Variants in TTF2 observed in about 807,000 individuals in gnomAD.
TTF2 encodes RNA polymerase II termination factor.
TTF2 carries 108 observed loss-of-function variants against 142.4 expected under a neutral mutation model. The ratio of observed to expected loss-of-function variants is 0.76; its 90% CI spans 0.65 to 0.89. The LOEUF is 0.89. TTF2 is among the 40% of genes least tolerant of loss of function. The pLI, the probability that TTF2 is intolerant of heterozygous loss-of-function variation, is 0.00. For missense variants in TTF2, 1,327 were observed against 1,379.8 expected (o/e 0.96, Z 0.61); for synonymous variants, 483 against 506.2 (o/e 0.95, Z 0.61).
Position 117,096,418 on chromosome 1 carries a change from C to T in TTF2, c.3186+119C>T, listed in dbSNP as rs1649154322. 7 of 1,329,912 alleles carry T rather than the reference C, an allele frequency of 5.3e-6. No homozygotes were observed. In the South Asian group the frequency reaches 5.7e-5, roughly 11 times the overall value. The allele number at this position is 1,329,912 out of a possible 1,614,324, so 82.4% of individuals were successfully genotyped here. On this transcript the variant is annotated intron_variant, in intron 20 of 22. Transcript: ENST00000369466. ...TTGAGACGGAGTTTTGCTCTTGTTG[C>T]CCAGGCTGGACTGCAATAGTGCTAT...
At position 117,097,073 on chromosome 1, in the gene TTF2, C is replaced by T. The variant is rs150700531; in HGVS notation, c.3187-278C>T. ...GAAAGTTTATTGAGCTGACCATCCC[C>T]AGGGTTCTAAATTACAGTATTTATA... On this transcript the variant is annotated intron_variant, in intron 20 of 22. Coordinates refer to ENST00000369466, the MANE Select transcript of TTF2 (RefSeq NM_003594.4). This position sits in a 1 kb window ranked among gnomAD's most constrained non-coding sequence, Gnocchi z 4.1. Among the ~76,000 whole-genome samples, 29 of 152,216 alleles carry T rather than the reference C, an allele frequency of 1.9e-4. No homozygotes were observed. The highest frequency in any genetic ancestry group is 7.0e-4 in the African/African-American group (29 of 41,532).
rs765332198 is a variant in TTF2 at position 117,101,513 on chromosome 1, T to C, written c.3478T>C (p.Phe1160Leu). 1 of 1,590,882 alleles carries C rather than the reference T, an allele frequency of 6.3e-7. No homozygotes were observed. ...CACCTTGGCTGACCTCAGAGTCCTT[T>C]TTGGCATCTAACCTCCTGTGGATAA... ...KLTLADLRVL[F>L]GI is the part of the protein sequence containing the mutation. Residue 1160 changes from phenylalanine to leucine, a missense_variant, in exon 23 of 23, where the codon TTT (phenylalanine) becomes CTT (leucine). Physicochemically the swap from Phe to Leu is conservative, Grantham distance 22. Coordinates refer to ENST00000369466, the MANE Select transcript of TTF2 (RefSeq NM_003594.4). This position sits in a 1 kb window ranked among gnomAD's most constrained non-coding sequence, Gnocchi z 5.9.
In TTF2 at chr1:117,096,282, C is replaced by T. The variant is rs1462348528; in HGVS notation, c.3169C>T (p.His1057Tyr). The change falls in exon 20 of 23, where the codon CAC (histidine) becomes TAC (tyrosine). Residue 1057 changes from histidine (H) to tyrosine (Y), a missense_variant. By Grantham distance (83) the His-to-Tyr change is moderately conservative. Transcript: ENST00000369466. ...AATGGACTTGGTAGAGGCATTTAAC[C>T]ACTCCAGAGGCCCTCAGGTACAAGC... ...QRMDLVEAFN[H>Y]SRGPQVMLIS... is the part of the protein sequence containing the mutation. 2 of 1,613,988 alleles carry T rather than the reference C, an allele frequency of 1.2e-6. No individual in the cohort carries two copies. The highest frequency in any genetic ancestry group is 1.7e-6 in the Non-Finnish European group (2 of 1,180,020).
rs143896161 is a variant in TTF2 at position 117,087,927 on chromosome 1, G to C, written c.2161-874G>C. On this transcript the variant is annotated intron_variant, in intron 12 of 22. Coordinates refer to ENST00000369466, the MANE Select transcript of TTF2 (RefSeq NM_003594.4). The surrounding 1 kb of genome is among the most constrained non-coding windows in gnomAD (Gnocchi z 4.8). ...CAGCAGACGTTGAGTATCCACTATGGGTCAGGTGCTGTTTCGTCAAGAGCA... is the reference window on the plus strand; with the variant it reads ...CAGCAGACGTTGAGTATCCACTATGCGTCAGGTGCTGTTTCGTCAAGAGCA... Among the ~76,000 whole-genome samples, 559 of 152,262 alleles carry C rather than the reference G, an allele frequency of 3.7e-3. 5 individuals are homozygous for C. Among genetic ancestry groups the C allele is most frequent in the African/African-American group, 0.013 (526 of 41,542 alleles).
chr1:117,073,797 A>G lies in TTF2; in HGVS notation c.285+70A>G. ...TTAATATGCAGCATCACCTGAAAAT[A>G]CCTTGAAGTTCACGTAAATGAGTTG... is the stretch of plus-strand genomic sequence containing the variant. On this transcript the variant is annotated intron_variant, in intron 4 of 22. Coordinates refer to ENST00000369466, the MANE Select transcript of TTF2 (RefSeq NM_003594.4). This position sits in a 1 kb window ranked among gnomAD's most constrained non-coding sequence, Gnocchi z 4.4. The G allele has an allele frequency of 6.9e-7, 1 of 1,438,872 alleles. No individual in the cohort carries two copies. The highest frequency in any genetic ancestry group is 9.6e-7 in the Non-Finnish European group (1 of 1,038,788). The allele number at this position is 1,438,872 out of a possible 1,614,324, so 89.1% of individuals were successfully genotyped here.
chr1:117,077,589 T>C (rs1657121374), intron 7 of TTF2, among the ~76,000 whole-genome samples: 1 of 152,186 alleles, frequency 6.6e-6, no homozygotes, highest in Non-Finnish European at 1.5e-5. Context: ...GCTAAGTGTT[T>C]CCTTCCTGAA....
chr1:117,080,814 C>G lies in TTF2; in HGVS notation c.1784-1014C>G, dbSNP rs114159421. ...CCAGGGGAAACCAGGTACAAGCTTC[C>G]AGTGTCCTCCCAGTGGAGTCACATG... On this transcript the variant is annotated intron_variant, in intron 9 of 22. Coordinates refer to ENST00000369466, the MANE Select transcript of TTF2 (RefSeq NM_003594.4). The surrounding 1 kb of genome is among the most constrained non-coding windows in gnomAD (Gnocchi z 4.3). Among the ~76,000 whole-genome samples, 759 of 152,318 alleles carry G rather than the reference C, an allele frequency of 5.0e-3. 8 individuals carry two copies. Among genetic ancestry groups the G allele is most frequent in the African/African-American group, 0.017 (688 of 41,566 alleles).
chr1:117,099,945 C>T lies in TTF2; in HGVS notation c.3344+1038C>T, dbSNP rs186182934. Reference sequence around the variant, plus strand: ...CCTTCCTTCACAAATTCTGTGCACTCCAGTAAGTCCAAAATTTGTATCTTT... The same window carrying T: ...CCTTCCTTCACAAATTCTGTGCACTTCAGTAAGTCCAAAATTTGTATCTTT... On this transcript the variant is annotated intron_variant, in intron 22 of 22. Coordinates refer to ENST00000369466, the MANE Select transcript of TTF2 (RefSeq NM_003594.4). This position sits in a 1 kb window ranked among gnomAD's most constrained non-coding sequence, Gnocchi z 4.3. Among the ~76,000 whole-genome samples, 2 of 152,348 alleles carry T rather than the reference C, an allele frequency of 1.3e-5. No homozygotes were observed. Among genetic ancestry groups the T allele is most frequent in the Admixed American group, 6.5e-5 (1 of 15,310 alleles).
rs1647916804 is a variant in TTF2, at chr1:117,085,390, C to G, written c.2055-1027C>G. On this transcript the variant is annotated intron_variant, in intron 11 of 22. Coordinates refer to ENST00000369466, the MANE Select transcript of TTF2 (RefSeq NM_003594.4). The surrounding 1 kb of genome is among the most constrained non-coding windows in gnomAD (Gnocchi z 4.7). ...GCAACATGGTGAAACCCATCTCTACCAAAAATACAAAAATTAGCTGGGTGT... is the reference window on the plus strand; with the variant it reads ...GCAACATGGTGAAACCCATCTCTACGAAAAATACAAAAATTAGCTGGGTGT... Among the ~76,000 whole-genome samples, 1 of 151,946 alleles carries G rather than the reference C, an allele frequency of 6.6e-6. No individual in the cohort carries two copies. The highest frequency in any genetic ancestry group is 1.5e-5 in the Non-Finnish European group (1 of 67,958).
chr1:117,071,975 G>A (rs1338246724), intron 3 of TTF2, among the ~76,000 whole-genome samples: 1 of 152,132 alleles, frequency 6.6e-6, no homozygotes, highest in Non-Finnish European at 1.5e-5. Flanking sequence ...CTTAAGATGG[G>A]CCTTGAGGGA....
intron 8 of TTF2, among the ~76,000 whole-genome samples, 180 bp downstream of exon 8, chr1:117,078,223 T>C (rs1657177948): frequency 6.6e-6 from 1 of 152,198 alleles, no homozygotes; most frequent in South Asian, 2.1e-4. Flanking sequence ...AAAACCCCTT[T>C]TTTAAAAAGT....
At position 117,085,025 on chromosome 1, in the gene TTF2, C is replaced by T. The variant is rs2101087562; in HGVS notation, c.2054+857C>T. Among the ~76,000 whole-genome samples, 1 of 152,228 alleles carries T rather than the reference C, an allele frequency of 6.6e-6. No homozygotes were observed. Among genetic ancestry groups the T allele is most frequent in the African/African-American group, 2.4e-5 (1 of 41,538 alleles). ...GGGTGGCAGTGGCAGGCCTGCAGGC[C>T]TTCCCTGGCATAGATTACTGTGAGT... On this transcript the variant is annotated intron_variant, in intron 11 of 22. Coordinates refer to ENST00000369466, the MANE Select transcript of TTF2 (RefSeq NM_003594.4). The surrounding 1 kb of genome is among the most constrained non-coding windows in gnomAD (Gnocchi z 4.7).
rs200212199 is a variant in TTF2, at chr1:117,076,147, G to A, written c.1276-33G>A. On this transcript the variant is annotated intron_variant, in intron 5 of 22. Coordinates refer to ENST00000369466, the MANE Select transcript of TTF2 (RefSeq NM_003594.4). The surrounding 1 kb of genome is among the most constrained non-coding windows in gnomAD (Gnocchi z 4.6). ...AAACTATTCATCTAACAGTGTGAGA[G>A]GAGAGATCCATTTGATGGAATCTGT... The A allele has an allele frequency of 2.0e-4, 315 of 1,580,094 alleles. No homozygotes were observed. The African/African-American group carries it at 3.7e-3, about 19-fold the overall frequency.
rs1649553149 is a variant in TTF2 at position 117,101,178 on chromosome 1, A to T, written c.3345-202A>T. Among the ~76,000 whole-genome samples the T allele has an allele frequency of 6.6e-6, 1 of 152,216 alleles. No individual in the cohort carries two copies. The highest frequency in any genetic ancestry group is 1.5e-5 in the Non-Finnish European group (1 of 68,038). ...AGCTTCAGAAAGTATTAAAATGCCAATGTGGGTCACATCCTTTTAAAGGGA... is the reference window on the plus strand; with the variant it reads ...AGCTTCAGAAAGTATTAAAATGCCATTGTGGGTCACATCCTTTTAAAGGGA... On this transcript the variant is annotated intron_variant, in intron 22 of 22. Coordinates refer to ENST00000369466, the MANE Select transcript of TTF2 (RefSeq NM_003594.4). This position sits in a 1 kb window ranked among gnomAD's most constrained non-coding sequence, Gnocchi z 5.9.
intron 2 of TTF2, among the ~76,000 whole-genome samples, chr1:117,062,139 A>G (rs1200628604): frequency 2.0e-5 from 3 of 152,142 alleles, no homozygotes; most frequent in African/African-American, 7.2e-5. Flanking sequence ...TACACAGTGC[A>G]GTGTGGTTTT....
chr1:117,060,508 A>G lies in TTF2; in HGVS notation c.82A>G (p.Ser28Gly). 6.2e-7 allele frequency: 1 copy of G among 1,614,020 alleles called. No homozygotes were observed. The highest frequency in any genetic ancestry group is 8.5e-7 in the Non-Finnish European group (1 of 1,179,930). ...CCGCGATGGCCCGAATAAAGGAAAG[A>G]GCTTCTACGTGTGCCGGGCAGACAC... is the stretch of plus-strand genomic sequence containing the variant. Reference protein sequence around the residue: ...GVRDGPNKGKSFYVCRADTCS... With the variant: ...GVRDGPNKGKGFYVCRADTCS... Residue 28 changes from serine to glycine, a missense_variant, in exon 2 of 23, where the codon AGC becomes GGC. Transcript: ENST00000369466.
At position 117,087,837 on chromosome 1, in the gene TTF2, C is replaced by T. The variant is rs1384930329; in HGVS notation, c.2161-964C>T. Among the ~76,000 whole-genome samples, 1 of 152,134 alleles carries T rather than the reference C, an allele frequency of 6.6e-6. No homozygotes were observed. The stretch of plus-strand genomic sequence containing the variant: ...CTGGACCACTCCCTTCCCACCTTCC[C>T]CCGGTTTGGTTGAATGCCTCTGCCA... On this transcript the variant is annotated intron_variant, in intron 12 of 22. Transcript: ENST00000369466. The surrounding 1 kb of genome is among the most constrained non-coding windows in gnomAD (Gnocchi z 4.8).
Position 117,070,743 on chromosome 1 carries a change from T to C in TTF2, c.219-2918T>C, listed in dbSNP as rs1570802998. ...CAATGAGAAAAATTAAAGAAACCAG[T>C]AAGATTTTAAAAATTGTGAACTTGG... On this transcript the variant is annotated intron_variant, in intron 3 of 22. Coordinates refer to ENST00000369466, the MANE Select transcript of TTF2 (RefSeq NM_003594.4). This position sits in a 1 kb window ranked among gnomAD's most constrained non-coding sequence, Gnocchi z 4.2. Among the ~76,000 whole-genome samples the C allele has an allele frequency of 6.6e-6, 1 of 152,186 alleles. No individual in the cohort carries two copies. Among genetic ancestry groups the C allele is most frequent in the Non-Finnish European group, 1.5e-5 (1 of 68,028 alleles).
In TTF2 at chr1:117,062,492, C is replaced by T. The variant is rs964993050; in HGVS notation, c.218+19C>T. The T allele has an allele frequency of 1.1e-5, 17 of 1,542,862 alleles. No individual in the cohort carries two copies. Among genetic ancestry groups the T allele is most frequent in the Non-Finnish European group, 1.3e-5 (15 of 1,135,994 alleles). ...AATACAGGTAAGGGTCCAAAAGGAA[C>T]ATCTAAGTGTATTTGCTTTTTTTTT... On this transcript the variant is annotated intron_variant, in intron 3 of 22. Transcript: ENST00000369466.
Sources: gnomAD v4.1 joint callset for allele counts (sites outside exome capture counted in the v4.1 genomes callset) on GRCh38, gnomAD v4.1.1 for gene constraint, Gnocchi (gnomAD v3.1) non-coding constraint, MANE v1.5 for transcripts, NCBI Gene and HGNC (gene_info 2026-07-23, HGNC 2026-07-21) for gene names.